PODXL2: variants seen among roughly 807,000 people sequenced by gnomAD.
PODXL2 encodes podocalyxin-like protein 2.
In PODXL2, 17 loss-of-function variants were observed where a neutral mutation model predicts 53.4. That is an observed-to-expected ratio of 0.32 (90% CI 0.22 to 0.48). The LOEUF is 0.48. Ranked by LOEUF, PODXL2 falls within the 20% of genes least tolerant of loss-of-function variation. PODXL2 has a pLI of 0.99. For synonymous variants in PODXL2, 311 were observed against 306.7 expected, an observed-to-expected ratio of 1.01 and a Z score of -0.15; for missense variants, 673 against 760.0, an observed-to-expected ratio of 0.89 and a Z score of 1.35.
intron 2 of PODXL2, among the ~76,000 whole-genome samples, chr3:127,653,652 GAA>G (rs757894545): frequency 8.2e-6 from 1 of 121,302 alleles, no homozygotes; most frequent in Admixed American, 8.2e-5. Flanking sequence ...TCTCAAAAAA[GAA>G]AAAAAAAAAA....
chr3:127,654,444 C>T (rs557195101), intron 2 of PODXL2, among the ~76,000 whole-genome samples: 3 of 152,210 alleles, frequency 2.0e-5, no homozygotes, highest in Admixed American at 2.0e-4. Context: ...CCCCTGCTTT[C>T]ACACTGCTGG....
At chr3:127,633,114 CT>C (rs1345097412) in intron 1 of PODXL2, among the ~76,000 whole-genome samples, 1 of 152,160 alleles carries the variant, frequency 6.6e-6, no homozygotes, top group Non-Finnish European at 1.5e-5. Context: ...CTAATTTGGT[CT>C]TTTTCAAGAG....
chr3:127,670,983 G>C (rs1441359302), intron 6 of PODXL2, among the ~76,000 whole-genome samples: 1 of 152,252 alleles, frequency 6.6e-6, no homozygotes, highest in Non-Finnish European at 1.5e-5. Flanking sequence ...CTGGCATCAG[G>C]AAGCTGACTG....
intron 1 of PODXL2, among the ~76,000 whole-genome samples, chr3:127,633,373 C>T (rs895501479): frequency 6.6e-6 from 1 of 152,162 alleles, no homozygotes; most frequent in Non-Finnish European, 1.5e-5. Context: ...GGGGGAGAAA[C>T]CAGCTAATTT....
Position 127,668,493 on chromosome 3 carries a change from T to G in PODXL2, c.1259T>G (p.Val420Gly), listed in dbSNP as rs1576436083. The G allele has an allele frequency of 2.6e-6, 4 of 1,513,356 alleles. No homozygotes were observed. The highest frequency in any genetic ancestry group is 1.4e-5 in the African/African-American group (1 of 69,158). The allele number at this position is 1,513,356 out of a possible 1,614,324, so 93.7% of individuals were successfully genotyped here. A position where few individuals can be genotyped will look rare whatever the true frequency, so the allele number is the denominator to read the frequency against. Residue 420 changes from valine (V) to glycine (G), a missense_variant, in exon 5 of 8, where the codon GTG (valine) becomes GGG (glycine). This residue lies in a region of PODXL2 where 588 missense variants were observed against 668.3 expected (regional missense o/e 0.88). Coordinates refer to ENST00000342480, the MANE Select transcript of PODXL2 (RefSeq NM_015720.4). Reference protein sequence around the residue: ...GPQLLALVEEVLPRHGSGHHG... With the variant: ...GPQLLALVEEGLPRHGSGHHG... ...CAGCTCCTGGCCCTGGTGGAAGAGG[T>G]GCTGCCCCGCCATGGCAGTGGCCAC...
chr3:127,653,252 A>G, intron 2 of PODXL2, among the ~76,000 whole-genome samples: 1 of 152,188 alleles, frequency 6.6e-6, no homozygotes, highest in East Asian at 1.9e-4. Context: ...CCTTCCTGCC[A>G]CAGGGCTCTG....
chr3:127,669,225 C>T (rs750140275), intron 6 of PODXL2, 23 bp downstream of exon 6: 1 of 1,524,620 alleles, frequency 6.6e-7, no homozygotes. Context: ...GGACCTGGAC[C>T]TGTTAGCTTC....
intron 1 of PODXL2, among the ~76,000 whole-genome samples, chr3:127,638,066 G>A (rs1418848043): frequency 1.3e-5 from 2 of 152,152 alleles, no homozygotes; most frequent in Admixed American, 1.3e-4. Flanking sequence ...TGTTAGTCTT[G>A]GAAAAGAATT....
Position 127,630,814 on chromosome 3 carries a change from G to A in PODXL2, c.70+1525G>A, listed in dbSNP as rs148949203. On this transcript the variant is annotated intron_variant, in intron 1 of 7. Transcript: ENST00000342480. ...AAACCCACCTGTATTCTTTCACGCC[G>A]TAAATCCTCTTTGGAAAAAGGCGAC... Among the ~76,000 whole-genome samples the A allele has an allele frequency of 3.0e-3, 461 of 152,314 alleles. 3 individuals are homozygous for A. The highest frequency in any genetic ancestry group is 0.01 in the African/African-American group (417 of 41,570).
At position 127,660,616 on chromosome 3, in the gene PODXL2, A is replaced by G. The variant is rs772673995; in HGVS notation, c.588A>G (p.Gln196=). 5 of 1,614,224 alleles carry G rather than the reference A, an allele frequency of 3.1e-6. No homozygotes were observed. Among genetic ancestry groups the G allele is most frequent in the African/African-American group, 1.3e-5 (1 of 75,046 alleles). ...AGCTGCTCCCTGTGAATGGATCCCAAGAAGAAGCCAAGCCTCAGGTCCGTG... is the reference window on the plus strand; with the variant it reads ...AGCTGCTCCCTGTGAATGGATCCCAGGAAGAAGCCAAGCCTCAGGTCCGTG... ...EEELLPVNGS[Q]EEAKPQVRDF... The change falls in exon 3 of 8, where the codon CAA becomes CAG. Residue 196 remains glutamine, a synonymous_variant. Transcript: ENST00000342480.
chr3:127,672,257 C>T lies in PODXL2; in HGVS notation c.1606-11C>T. ...CTCGCTCGCCCATGGCCTCTCCCCA[C>T]CCCGCCTCAGTCGCACGGCGAGGAG... On this transcript the variant is annotated splice_polypyrimidine_tract_variant and intron_variant, in intron 7 of 7. Coordinates refer to ENST00000342480, the MANE Select transcript of PODXL2 (RefSeq NM_015720.4). 1 of 1,540,830 alleles carries T rather than the reference C, an allele frequency of 6.5e-7. No homozygotes were observed. The highest frequency in any genetic ancestry group is 8.7e-7 in the Non-Finnish European group (1 of 1,146,086).
intron 2 of PODXL2, among the ~76,000 whole-genome samples, chr3:127,658,829 CTTT>C: frequency 6.6e-6 from 1 of 152,088 alleles, no homozygotes; most frequent in Middle Eastern, 3.4e-3. Context: ...AGCTCTGAAA[CTTT>C]TTTTCTTTGT....
chr3:127,633,412 C>A (rs772164357), intron 1 of PODXL2, among the ~76,000 whole-genome samples: 1 of 151,894 alleles, frequency 6.6e-6, no homozygotes, highest in Non-Finnish European at 1.5e-5. Context: ...GCTGTTTGAC[C>A]TTAATCCCAC....
Position 127,663,743 on chromosome 3 carries a change from C to T in PODXL2, c.1206+1432C>T, listed in dbSNP as rs557300783. ...TAAGACATTCCAGGCTCACCTTCCT[C>T]CCCCAGACATGGAGCCCTCATTCCC... On this transcript the variant is annotated intron_variant, in intron 4 of 7. Coordinates refer to ENST00000342480, the MANE Select transcript of PODXL2 (RefSeq NM_015720.4). 7.9e-5 allele frequency among the ~76,000 whole-genome samples: 12 copies of T among 152,326 alleles called. No homozygotes were observed. The East Asian group carries it at 2.3e-3, about 29-fold the overall frequency.
At chr3:127,656,731 T>C (rs2074727017) in intron 2 of PODXL2, among the ~76,000 whole-genome samples, 1 of 64,306 alleles carries the variant, frequency 1.6e-5, no homozygotes, top group African/African-American at 6.6e-5. Context: ...CAAGACTCCA[T>C]CTCAAAAAAA....
intron 1 of PODXL2, among the ~76,000 whole-genome samples, chr3:127,632,874 C>G (rs1371974209): frequency 6.6e-6 from 1 of 152,152 alleles, no homozygotes. Context: ...AATCGAGAGT[C>G]TAATAGAAAT....
In PODXL2 at chr3:127,629,284, T is replaced by C. The variant is rs1181590106; in HGVS notation, c.65T>C (p.Val22Ala). 6.0e-6 allele frequency: 6 copies of C among 1,006,654 alleles called. No individual in the cohort carries two copies. The highest frequency in any genetic ancestry group is 5.9e-6 in the Non-Finnish European group (5 of 845,010). The allele number at this position is 1,006,654 out of a possible 1,614,324, so 62.4% of individuals were successfully genotyped here. A position where few individuals can be genotyped will look rare whatever the true frequency, so the allele number is the denominator to read the frequency against. Residue 22 changes from valine to alanine, a missense_variant, in exon 1 of 8, where the codon GTT becomes GCT. Physicochemically the swap from Val to Ala is moderately conservative, Grantham distance 64. Around this residue, in one of 3 missense-constraint regions of PODXL2, gnomAD observed 588 missense variants for 668.3 expected, o/e 0.88. Transcript: ENST00000342480. This position sits in a 1 kb window ranked among gnomAD's most constrained non-coding sequence, Gnocchi z 6.4. The part of the protein sequence containing the change: ...PLLSPLLLLL[V>A]GGAFLGACVA... The stretch of plus-strand genomic sequence containing the variant: ...CTTTCGCCGCTGCTGCTTCTGCTGG[T>C]TGGGGGTGAGTGCGCTCCGGGCCCG...
intron 6 of PODXL2, 21 bp downstream of exon 6, chr3:127,669,223 A>G: frequency 6.4e-7 from 1 of 1,554,712 alleles, no homozygotes; most frequent in Middle Eastern, 1.7e-4. Context: ...AGGGACCTGG[A>G]CCTGTTAGCT....
intron 2 of PODXL2, among the ~76,000 whole-genome samples, chr3:127,653,179 T>C (rs947483501): frequency 2.0e-5 from 3 of 152,062 alleles, no homozygotes; most frequent in African/African-American, 7.2e-5. Context: ...GACACCTGAG[T>C]GGGAAAAGCA....
Sources: allele counts gnomAD v4.1 joint callset (sites outside exome capture counted in the v4.1 genomes callset), GRCh38; gene constraint gnomAD v4.1.1; regional missense constraint gnomAD v4.1.1; non-coding constraint Gnocchi (gnomAD v3.1); transcripts MANE v1.5; gene names NCBI Gene and HGNC (gene_info 2026-07-23, HGNC 2026-07-21).